The following MYB variants were observed in gnomAD, a reference collection of about 807,000 sequenced individuals.
MYB encodes MYB proto-oncogene, transcription factor.
A neutral mutation model predicts 92.9 loss-of-function variants in MYB; 28 were observed. The observed-to-expected ratio is 0.30, with a 90% CI of 0.22 to 0.41. The LOEUF is 0.41. Ranked by LOEUF, MYB falls within the 10% of genes least tolerant of loss-of-function variation. The pLI is 1.00. For missense variants in MYB, 679 were observed against 929.3 expected, an observed-to-expected ratio of 0.73 and a Z score of 3.50; for synonymous variants, 295 against 329.1, an observed-to-expected ratio of 0.90 and a Z score of 1.12.
At chr6:135,216,056 T>C (rs1250417819) in intron 15 of MYB, among the ~76,000 whole-genome samples, 1 of 152,024 alleles carries the variant, frequency 6.6e-6, no homozygotes, top group Non-Finnish European at 1.5e-5. Flanking sequence ...CCAAATCTTA[T>C]ATCTGTTTGT....
intron 15 of MYB, among the ~76,000 whole-genome samples, chr6:135,214,926 G>A (rs1190483969): frequency 2.0e-5 from 3 of 152,108 alleles, no homozygotes; most frequent in African/African-American, 7.2e-5. Context: ...CATTAAATTC[G>A]GAATAGAAGG....
chr6:135,194,522 GCTCTT>G (rs1562373652), intron 8 of MYB, 62 bp downstream of exon 8: 7 of 1,151,216 alleles, frequency 6.1e-6, no homozygotes, highest in Non-Finnish European at 9.0e-6. Context: ...TTACCTAAGC[GCTCTT>G]CTCTTCTAAA....
At position 135,181,418 on chromosome 6, in the gene MYB, C is replaced by T; in HGVS notation, c.-96C>T. Reference sequence around the variant, plus strand: ...CCCAGCGGTGCGGAGCGCCGCTGCGCAGCCGGGGAGGGACGCAGGCAGGCG... The same window carrying T: ...CCCAGCGGTGCGGAGCGCCGCTGCGTAGCCGGGGAGGGACGCAGGCAGGCG... On this transcript the variant is annotated 5_prime_UTR_variant, in exon 1 of 16. Coordinates refer to ENST00000341911, the MANE Select transcript of MYB (RefSeq NM_001130173.2). The surrounding 1 kb of genome is among the most constrained non-coding windows in gnomAD (Gnocchi z 5.3). 1 of 886,282 alleles carries T rather than the reference C, an allele frequency of 1.1e-6. No homozygotes were observed. The highest frequency in any genetic ancestry group is 4.3e-5 in the South Asian group (1 of 23,528). 54.9% of individuals were successfully genotyped at this position (886,282 alleles called of 1,614,324 possible).
chr6:135,192,663 C>T (rs1776765976), intron 6 of MYB, 105 bp downstream of exon 6: 3 of 1,053,140 alleles, frequency 2.8e-6, no homozygotes, highest in Non-Finnish European at 4.3e-6. Context: ...CTTTCCTGAG[C>T]ATGATCATGG....
At chr6:135,194,844 AT>A in intron 8 of MYB, 1 of 1,070,944 alleles carries the variant, frequency 9.3e-7, no homozygotes, top group Non-Finnish European at 1.2e-6. Context: ...ATATTTTCAT[AT>A]TTTATAATTT....
chr6:135,199,630 G>A, intron 11 of MYB: 1 of 718,618 alleles, frequency 1.4e-6, no homozygotes. Flanking sequence ...TCAGAGAAAT[G>A]GTAGAGAAAG....
intron 13 of MYB, 127 bp from the exon 14 acceptor site, chr6:135,201,512 C>G (rs1157399995): frequency 2.1e-5 from 11 of 523,364 alleles, no homozygotes; most frequent in Non-Finnish European, 3.6e-5. Flanking sequence ...GCAAATTGAG[C>G]TGATAGTGTA....
At position 135,196,975 on chromosome 6, in the gene MYB, G is replaced by A; in HGVS notation, c.1218G>A (p.Trp406Ter). Residue 406 changes from tryptophan to a stop codon, truncating the protein, a stop_gained, in exon 10 of 16, where the codon TGG becomes TGA. Coordinates refer to ENST00000341911, the MANE Select transcript of MYB (RefSeq NM_001130173.2). LOFTEE classifies it high-confidence loss of function. ...LQFIDSDSSS[W>*]CDLSSFEFFE... ...CATTGTTTCAGGATTCTTCATCATG[G>A]TGTGATCTCAGCAGTTTTGAATTCT... 1.2e-6 allele frequency: 2 copies of A among 1,613,264 alleles called. No individual in the cohort carries two copies. The highest frequency in any genetic ancestry group is 1.1e-5 in the South Asian group (1 of 90,988).
At chr6:135,199,176 A>G (rs896161597) in intron 11 of MYB, 126 bp downstream of exon 11, 4 of 748,856 alleles carry the variant, frequency 5.3e-6, no homozygotes, top group Non-Finnish European at 4.1e-6. Flanking sequence ...ATATATAATC[A>G]TGTCTATTCC....
At position 135,196,866 on chromosome 6, in the gene MYB, T is replaced by C. The variant is rs772718594; in HGVS notation, c.1204-95T>C. The C allele has an allele frequency of 1.8e-5, 28 of 1,587,354 alleles. No individual in the cohort carries two copies. In the Admixed American group the frequency reaches 2.4e-4, roughly 14 times the overall value. ...CAAGAAGCCAAACCAACGGGCCTAG[T>C]GTTTGCTTTGCGTTGAGCATCTCTC... On this transcript the variant is annotated intron_variant, in intron 9 of 15. Coordinates refer to ENST00000341911, the MANE Select transcript of MYB (RefSeq NM_001130173.2).
chr6:135,210,903 G>T (rs962274997), intron 15 of MYB, among the ~76,000 whole-genome samples: 7 of 152,084 alleles, frequency 4.6e-5, no homozygotes, highest in Admixed American at 6.6e-5. Context: ...GGCCAGGGTG[G>T]TTTTTTGTTT....
chr6:135,189,909 G>T, intron 4 of MYB, 26 bp downstream of exon 4: 1 of 1,582,258 alleles, frequency 6.3e-7, no homozygotes, highest in South Asian at 1.1e-5. Context: ...ATTGGTGTGT[G>T]ACTCATAATT....
At position 135,193,850 on chromosome 6, in the gene MYB, G is replaced by A. The variant is rs780385476; in HGVS notation, c.775G>A (p.Val259Ile). 6.2e-7 allele frequency: 1 copy of A among 1,612,076 alleles called. No homozygotes were observed. The highest frequency in any genetic ancestry group is 8.5e-7 in the Non-Finnish European group (1 of 1,178,318). Residue 259 changes from valine to isoleucine, a missense_variant, in exon 7 of 16, where the codon GTT becomes ATT. Physicochemically the swap from Val to Ile is conservative, Grantham distance 29 (BLOSUM62 3). This residue lies in a region of MYB where 43 missense variants were observed against 87.9 expected (regional missense o/e 0.49). Coordinates refer to ENST00000341911, the MANE Select transcript of MYB (RefSeq NM_001130173.2). The stretch of plus-strand genomic sequence containing the variant: ...CTTTTGCATCTAGGTCTCCAGTCAT[G>A]TTCCATACCCTGTAGCGTTACATGT... Reference protein sequence around the residue: ...ISEAQNVSSHVPYPVALHVNI... With the variant: ...ISEAQNVSSHIPYPVALHVNI...
chr6:135,189,905 G>A (rs1776418983), intron 4 of MYB, 22 bp downstream of exon 4: 2 of 1,586,978 alleles, frequency 1.3e-6, no homozygotes, highest in Non-Finnish European at 1.7e-6. Context: ...CTTCATTGGT[G>A]TGTGACTCAT....
chr6:135,187,561 T>C (rs1269297188), intron 2 of MYB, among the ~76,000 whole-genome samples: 1 of 152,186 alleles, frequency 6.6e-6, no homozygotes, highest in African/African-American at 2.4e-5. Context: ...CAAATAACCC[T>C]GTTAATTTCC....
rs1406742723 is a variant in MYB, at chr6:135,189,572, C to T, written c.214-219C>T. Among the ~76,000 whole-genome samples, 4 of 152,316 alleles carry T rather than the reference C, an allele frequency of 2.6e-5. No homozygotes were observed. In the East Asian group the frequency reaches 5.8e-4, roughly 22 times the overall value. ...TAGATCATGTGGCAGGAATGTTTCC[C>T]TCAGGAGGCAGAGTGTCTAATTTTA... On this transcript the variant is annotated intron_variant, in intron 3 of 15. Transcript: ENST00000341911.
Position 135,181,445 on chromosome 6 carries a change from C to T in MYB, c.-69C>T. On this transcript the variant is annotated 5_prime_UTR_variant, in exon 1 of 16. Coordinates refer to ENST00000341911, the MANE Select transcript of MYB (RefSeq NM_001130173.2). This position sits in a 1 kb window ranked among gnomAD's most constrained non-coding sequence, Gnocchi z 5.3. ...GCCGGGGAGGGACGCAGGCAGGCGGCGGGCAGCGGGAGGCGGCAGCCCGGT... is the reference window on the plus strand; with the variant it reads ...GCCGGGGAGGGACGCAGGCAGGCGGTGGGCAGCGGGAGGCGGCAGCCCGGT... 1.9e-6 allele frequency: 2 copies of T among 1,060,948 alleles called. No homozygotes were observed. Among genetic ancestry groups the T allele is most frequent in the Non-Finnish European group, 2.3e-6 (2 of 865,322 alleles). 65.7% of individuals were successfully genotyped at this position (1,060,948 alleles called of 1,614,324 possible).
At chr6:135,183,614 C>G (rs1775478435) in intron 1 of MYB, among the ~76,000 whole-genome samples, 2 of 152,156 alleles carry the variant, frequency 1.3e-5, no homozygotes, top group Admixed American at 1.3e-4. Flanking sequence ...TCTAGGACGA[C>G]TTAGAGCAAG....
intron 15 of MYB, chr6:135,203,852 T>C (rs780301760): frequency 4.8e-6 from 6 of 1,238,372 alleles, no homozygotes; most frequent in Non-Finnish European, 6.2e-6. Flanking sequence ...AAGTTGACCA[T>C]CTGCTGTCAG....
Sources: gnomAD v4.1 joint callset for allele counts (sites outside exome capture counted in the v4.1 genomes callset) on GRCh38, gnomAD v4.1.1 for gene constraint, gnomAD v4.1.1 regional missense constraint, Gnocchi (gnomAD v3.1) non-coding constraint, MANE v1.5 for transcripts, NCBI Gene and HGNC (gene_info 2026-07-23, HGNC 2026-07-21) for gene names.